Variants in LRRC71 observed in about 807,000 individuals in gnomAD.
LRRC71 encodes the protein leucine rich repeat containing 71, also known as leucine-rich repeat-containing protein 71.
A neutral mutation model predicts 66.6 loss-of-function variants in LRRC71; 54 were observed. The ratio of observed to expected loss-of-function variants is 0.81; its 90% CI spans 0.65 to 1.02. LRRC71 has a LOEUF of 1.02. LRRC71 is among the 50% of genes least tolerant of loss of function. The pLI is 0.00. For synonymous variants in LRRC71, 323 were observed against 303.9 expected (o/e 1.06, Z -0.65); for missense variants, 724 against 718.0 (o/e 1.01, Z -0.10).
chr1:156,929,841 G>A lies in LRRC71; in HGVS notation c.1240+112G>A, dbSNP rs79112956. 8.3e-3 allele frequency: 6,852 copies of A among 826,268 alleles called. 340 individuals are homozygous for A. In the African/African-American group the frequency reaches 0.11, roughly 13 times the overall value. 51.2% of individuals were successfully genotyped at this position (826,268 alleles called of 1,614,324 possible). On this transcript the variant is annotated intron_variant, in intron 11 of 14. Transcript: ENST00000337428. Reference sequence around the variant, plus strand: ...GGTGCGCCTGCCTGGAGCTCATCTCGCCATGCCCCTCTGGGCTTGATTTCC... The same window carrying A: ...GGTGCGCCTGCCTGGAGCTCATCTCACCATGCCCCTCTGGGCTTGATTTCC...
chr1:156,922,279 T>C (rs1652508258), intron 1 of LRRC71, among the ~76,000 whole-genome samples: 1 of 152,062 alleles, frequency 6.6e-6, no homozygotes, highest in African/African-American at 2.4e-5. Flanking sequence ...GATCCAGCCT[T>C]ACAGGTTGTA....
chr1:156,922,444 C>G (rs539027432), intron 1 of LRRC71, among the ~76,000 whole-genome samples: 1 of 152,004 alleles, frequency 6.6e-6, no homozygotes, highest in Admixed American at 6.6e-5. Context: ...GGCTCGTGTC[C>G]GGTAGAGAGT....
intron 5 of LRRC71, among the ~76,000 whole-genome samples, chr1:156,925,282 C>T (rs1409149476): frequency 6.6e-6 from 1 of 152,226 alleles, no homozygotes; most frequent in Non-Finnish European, 1.5e-5. Flanking sequence ...CATTACCCTC[C>T]ACTCCCTCCC....
In LRRC71 at chr1:156,924,654, G is replaced by C; in HGVS notation, c.451G>C (p.Glu151Gln). Reference protein sequence around the residue: ...KEIYIRGWKVEERILGVFSKC... With the variant: ...KEIYIRGWKVQERILGVFSKC... ...CTCTTGGCCCGCAGGTTGGAAGGTTGAGGAACGGATTCTGGGTGTCTTCTC... is the reference window on the plus strand; with the variant it reads ...CTCTTGGCCCGCAGGTTGGAAGGTTCAGGAACGGATTCTGGGTGTCTTCTC... Residue 151 changes from glutamate (E) to glutamine (Q), a missense_variant, in exon 4 of 15, where the codon GAG (glutamate) becomes CAG (glutamine). Glu to Gln is a conservative substitution (Grantham distance 29, BLOSUM62 2). Coordinates refer to ENST00000337428, the MANE Select transcript of LRRC71 (RefSeq NM_144702.3). 6.5e-7 allele frequency: 1 copy of C among 1,549,564 alleles called. No homozygotes were observed. The highest frequency in any genetic ancestry group is 8.7e-7 in the Non-Finnish European group (1 of 1,145,802).
At chr1:156,940,159 T>C in the LRRC71 span, 2 of 1,523,120 alleles carry the variant, frequency 1.3e-6, no homozygotes, top group Non-Finnish European at 1.8e-6. Flanking sequence ...TCACACTGGG[T>C]GTGCGACTGG....
chr1:156,925,703 T>C (rs1377128324), intron 5 of LRRC71, among the ~76,000 whole-genome samples: 1 of 152,228 alleles, frequency 6.6e-6, no homozygotes, highest in East Asian at 1.9e-4. Flanking sequence ...GCCCCTTCTC[T>C]AGGCTCCCAC....
chr1:156,928,458 C>CTT (rs1653712796), intron 9 of LRRC71, among the ~76,000 whole-genome samples: 2 of 140,932 alleles, frequency 1.4e-5, no homozygotes, highest in African/African-American at 5.5e-5. Context: ...TCCTCTTCTT[C>CTT]TCCTTCTTCT....
chr1:156,937,565 T>C, downstream of LRRC71: 3 of 1,472,396 alleles, frequency 2.0e-6, no homozygotes, highest in Middle Eastern at 1.8e-4. Context: ...CCCGTTCCTG[T>C]GGGATTCCCC....
At chr1:156,921,467 C>T (rs150804831) in intron 1 of LRRC71, 19 of 186,708 alleles carry the variant, frequency 1.0e-4, no homozygotes, top group East Asian at 3.7e-4. Context: ...GAAATGTATC[C>T]GAAGTCTTCT....
chr1:156,931,604 G>A (rs1390827911), intron 12 of LRRC71, among the ~76,000 whole-genome samples: 2 of 151,982 alleles, frequency 1.3e-5, no homozygotes, highest in African/African-American at 4.8e-5. Context: ...CACCTTTCCC[G>A]TCTTCATCTG....
Position 156,920,633 on chromosome 1 carries a change from T to G in LRRC71, c.-171T>G. On this transcript the variant is annotated 5_prime_UTR_variant, in exon 1 of 15. Transcript: ENST00000337428. This position sits in a 1 kb window ranked among gnomAD's most constrained non-coding sequence, Gnocchi z 4.9. ...CCTCGGGCCCGCCCGCCTCGCGCGG[T>G]TGTCTTGGAGAGGGACGCGTAGGCT... 6.3e-6 allele frequency: 5 copies of G among 796,106 alleles called. No homozygotes were observed. The highest frequency in any genetic ancestry group is 6.9e-6 in the Non-Finnish European group (4 of 579,286). The allele number at this position is 796,106 out of a possible 1,614,324, so 49.3% of individuals were successfully genotyped here. A position where few individuals can be genotyped will look rare whatever the true frequency, so the allele number is the denominator to read the frequency against.
chr1:156,920,767 C>A lies in LRRC71; in HGVS notation c.-37C>A. The A allele has an allele frequency of 6.8e-7, 1 of 1,472,680 alleles. No individual in the cohort carries two copies. Among genetic ancestry groups the A allele is most frequent in the Middle Eastern group, 2.5e-4 (1 of 4,054 alleles). 91.2% of individuals were successfully genotyped at this position (1,472,680 alleles called of 1,614,324 possible). On this transcript the variant is annotated 5_prime_UTR_variant, in exon 1 of 15. Coordinates refer to ENST00000337428, the MANE Select transcript of LRRC71 (RefSeq NM_144702.3). This position sits in a 1 kb window ranked among gnomAD's most constrained non-coding sequence, Gnocchi z 4.9. Reference sequence around the variant, plus strand: ...AGAGTGCGTTCTTACCTTCCTGCCCCGACGAAGGTCCCAGAGACGCTGCGG... The same window carrying A: ...AGAGTGCGTTCTTACCTTCCTGCCCAGACGAAGGTCCCAGAGACGCTGCGG...
chr1:156,930,449 C>A, intron 11 of LRRC71, 80 bp from the exon 12 acceptor site: 1 of 1,310,832 alleles, frequency 7.6e-7, no homozygotes, highest in Non-Finnish European at 1.1e-6. Flanking sequence ...CTTTGCCTCA[C>A]AGCCTGTTTT....
At position 156,927,496 on chromosome 1, in the gene LRRC71, G is replaced by A. The variant is rs747813173; in HGVS notation, c.663G>A (p.Thr221=). Residue 221 remains threonine, a splice_region_variant and synonymous_variant, in exon 7 of 15, where the codon ACG becomes ACA. Coordinates refer to ENST00000337428, the MANE Select transcript of LRRC71 (RefSeq NM_144702.3). ...CACATTCTCCCTCCGGCTGCCCCAGGATTGCGCACTTGTCTCTGCGGAACA... is the reference window on the plus strand; with the variant it reads ...CACATTCTCCCTCCGGCTGCCCCAGAATTGCGCACTTGTCTCTGCGGAACA... ...SYHKLMALDS[T]IAHLSLRNNN... 1 of 1,526,650 alleles carries A rather than the reference G, an allele frequency of 6.6e-7. No homozygotes were observed. The highest frequency in any genetic ancestry group is 2.3e-5 in the East Asian group (1 of 44,072). 94.6% of individuals were successfully genotyped at this position (1,526,650 alleles called of 1,614,324 possible).
intron 6 of LRRC71, 82 bp downstream of exon 6, chr1:156,927,352 C>G (rs572858956): frequency 6.4e-7 from 1 of 1,550,752 alleles, no homozygotes; most frequent in African/African-American, 1.4e-5. Context: ...CTTCCTTGTC[C>G]CCCTACCATC....
Position 156,932,869 on chromosome 1 carries a change from C to A in LRRC71, c.1580C>A (p.Pro527Gln). The A allele has an allele frequency of 6.2e-7, 1 of 1,609,906 alleles. No individual in the cohort carries two copies. Among genetic ancestry groups the A allele is most frequent in the Non-Finnish European group, 8.5e-7 (1 of 1,178,254 alleles). The change falls in exon 15 of 15, where the codon CCA becomes CAA. Residue 527 changes from proline to glutamine, a missense_variant. By Grantham distance (76) the Pro-to-Gln change is moderately conservative. Coordinates refer to ENST00000337428, the MANE Select transcript of LRRC71 (RefSeq NM_144702.3). ...TCTTTTCAGAAAAATTGCTTCGCCC[C>A]ACAATGTCCTGCGTACGCCATAATC... The part of the protein sequence containing the change: ...WLSLAKNCFA[P>Q]QCPAYAIIQE...
chr1:156,924,076 T>C lies in LRRC71; in HGVS notation c.288T>C (p.Ser96=), dbSNP rs1312879526. Residue 96 remains serine, a synonymous_variant, in exon 2 of 15, where the codon TCT becomes TCC. Transcript: ENST00000337428. ...ACCCGCCCTTCGTCCCCTCCGCCTCTTTGTCGGAAAAGGCCACCTTAGGTG... is the reference window on the plus strand; with the variant it reads ...ACCCGCCCTTCGTCCCCTCCGCCTCCTTGTCGGAAAAGGCCACCTTAGGTG... The part of the protein sequence containing the change: ...RPHPPFVPSA[S]LSEKATLDDP... The C allele has an allele frequency of 6.8e-7, 1 of 1,475,372 alleles. No individual in the cohort carries two copies. 91.4% of individuals were successfully genotyped at this position (1,475,372 alleles called of 1,614,324 possible).
At position 156,930,586 on chromosome 1, in the gene LRRC71, G is replaced by C. The variant is rs1287087282; in HGVS notation, c.1298G>C (p.Arg433Thr). 1 of 1,568,802 alleles carries C rather than the reference G, an allele frequency of 6.4e-7. No homozygotes were observed. Among genetic ancestry groups the C allele is most frequent in the Non-Finnish European group, 8.6e-7 (1 of 1,156,704 alleles). Residue 433 changes from arginine to threonine, a missense_variant, in exon 12 of 15, where the codon AGA (arginine) becomes ACA (threonine). Arg to Thr is a moderately conservative substitution (Grantham distance 71). Coordinates refer to ENST00000337428, the MANE Select transcript of LRRC71 (RefSeq NM_144702.3). ...SRAKGIKIGS[R>T]EKRSILLESE... ...GCAAAAGGGATCAAGATCGGGAGCA[G>C]AGAGAAGCGCAGCATCCTCCTGGAG...
chr1:156,936,923 T>A, downstream of LRRC71: 1 of 1,614,008 alleles, frequency 6.2e-7, no homozygotes, highest in Non-Finnish European at 8.5e-7. Flanking sequence ...TGCTTCTGTG[T>A]GGAAACTGCC....
Sources: gnomAD v4.1 joint callset for allele counts (sites outside exome capture counted in the v4.1 genomes callset) on GRCh38, gnomAD v4.1.1 for gene constraint, Gnocchi (gnomAD v3.1) non-coding constraint, MANE v1.5 for transcripts, NCBI Gene and HGNC (gene_info 2026-07-23, HGNC 2026-07-21) for gene names.